Variants in TGFBR3 observed in about 807,000 individuals in gnomAD.
TGFBR3 encodes the protein transforming growth factor beta receptor type 3.
A neutral mutation model predicts 87.9 loss-of-function variants in TGFBR3; 46 were observed. The ratio of observed to expected loss-of-function variants is 0.52; its 90% CI spans 0.41 to 0.67. The LOEUF (loss-of-function observed/expected upper bound fraction) is 0.67. TGFBR3 is among the 30% of genes least tolerant of loss of function. The pLI is 0.00. For missense variants in TGFBR3, 866 were observed against 1,041.9 expected, an observed-to-expected ratio of 0.83 and a Z score of 2.32; for synonymous variants, 381 against 391.6, an observed-to-expected ratio of 0.97 and a Z score of 0.32.
chr1:91,898,583 C>G (rs1188392288), intron 2 of TGFBR3, among the ~76,000 whole-genome samples: 2 of 152,090 alleles, frequency 1.3e-5, no homozygotes, highest in Non-Finnish European at 2.9e-5. Flanking sequence ...ACCACAGGCG[C>G]CCGCCACCAC....
intron 3 of TGFBR3, among the ~76,000 whole-genome samples, chr1:91,787,956 A>AAAAAAAAAAAAAAC (rs906528422): frequency 2.0e-5 from 3 of 150,068 alleles, no homozygotes; most frequent in Admixed American, 1.3e-4. Context: ...AAAAAAAAAA[A>AAAAAAAAAAAAAAC]CCCCAAGAAG....
chr1:91,819,089 G>A (rs943656680), intron 2 of TGFBR3, among the ~76,000 whole-genome samples: 3 of 152,080 alleles, frequency 2.0e-5, no homozygotes, highest in East Asian at 1.9e-4. Context: ...CCTGATCATC[G>A]CCAGGTGTGG....
intron 4 of TGFBR3, among the ~76,000 whole-genome samples, chr1:91,749,648 A>G (rs1052857074): frequency 6.6e-6 from 1 of 152,118 alleles, no homozygotes; most frequent in African/African-American, 2.4e-5. Flanking sequence ...ACCATCCTGG[A>G]GTTGCTTTCT....
chr1:91,890,523 G>A (rs1679422922), upstream of TGFBR3, among the ~76,000 whole-genome samples: 1 of 140,040 alleles, frequency 7.1e-6, no homozygotes, highest in Non-Finnish European at 1.5e-5. Flanking sequence ...GGGTTCAAGT[G>A]ATTCTTCTGC....
In TGFBR3 at chr1:91,782,804, A is replaced by G. The variant is rs573979912; in HGVS notation, c.246+14483T>C. 3.9e-5 allele frequency among the ~76,000 whole-genome samples: 6 copies of G among 152,270 alleles called. No homozygotes were observed. The East Asian group carries it at 1.2e-3, about 29-fold the overall frequency. Reference sequence around the variant, plus strand: ...TATACCTCTCTGCCCCTCTCCCCCAAGGCACCTCGGTATGTGCTCACATCA... The same window carrying G: ...TATACCTCTCTGCCCCTCTCCCCCAGGGCACCTCGGTATGTGCTCACATCA... On this transcript the variant is annotated intron_variant, in intron 3 of 16. Coordinates refer to ENST00000212355, the MANE Select transcript of TGFBR3 (RefSeq NM_003243.5).
At chr1:91,787,678 G>A (rs940419313) in intron 3 of TGFBR3, among the ~76,000 whole-genome samples, 1 of 152,198 alleles carries the variant, frequency 6.6e-6, no homozygotes, top group Non-Finnish European at 1.5e-5. Flanking sequence ...CTATGCCTCA[G>A]TCAAGAACCC....
At chr1:91,756,789 C>T (rs563321463) in intron 4 of TGFBR3, among the ~76,000 whole-genome samples, 16 of 152,238 alleles carry the variant, frequency 1.1e-4, no homozygotes, top group Admixed American at 2.0e-4. Context: ...GTACAAAGGA[C>T]TCTACTATAC....
chr1:91,841,983 C>T (rs960318905), intron 2 of TGFBR3, among the ~76,000 whole-genome samples: 6 of 151,294 alleles, frequency 4.0e-5, no homozygotes, highest in African/African-American at 1.5e-4. Context: ...CACCTGTGGC[C>T]CCAGCTACTT....
chr1:91,878,120 G>A (rs1678927165), intron 1 of TGFBR3, among the ~76,000 whole-genome samples: 1 of 152,088 alleles, frequency 6.6e-6, no homozygotes. Context: ...TATTCTTTAT[G>A]GAGACTCAGA....
At chr1:91,831,226 TA>T (rs879548427) in intron 2 of TGFBR3, among the ~76,000 whole-genome samples, 17 of 146,910 alleles carry the variant, frequency 1.2e-4, no homozygotes, top group Non-Finnish European at 1.7e-4. Context: ...AAAAACAATT[TA>T]AAAAAAAAAA....
chr1:91,808,584 G>A (rs1304631094), intron 2 of TGFBR3, among the ~76,000 whole-genome samples: 1 of 152,062 alleles, frequency 6.6e-6, no homozygotes, highest in Non-Finnish European at 1.5e-5. Context: ...TCCTCCCTCA[G>A]CCTCCCAAGT....
intron 4 of TGFBR3, among the ~76,000 whole-genome samples, chr1:91,743,708 AT>A (rs983325401): frequency 2.0e-5 from 3 of 152,246 alleles, no homozygotes; most frequent in African/African-American, 7.2e-5. Flanking sequence ...AATAAAACAA[AT>A]CTTGATGTCC....
At position 91,767,119 on chromosome 1, in the gene TGFBR3, A is replaced by G. The variant is rs933595142; in HGVS notation, c.247-8369T>C. Among the ~76,000 whole-genome samples, 2 of 133,886 alleles carry G rather than the reference A, an allele frequency of 1.5e-5. 1 individual carries two copies. The highest frequency in any genetic ancestry group is 3.3e-5 in the Non-Finnish European group (2 of 61,040). 87.8% of individuals were successfully genotyped at this position (133,886 alleles called of 152,430 possible). On this transcript the variant is annotated intron_variant, in intron 3 of 16. Coordinates refer to ENST00000212355, the MANE Select transcript of TGFBR3 (RefSeq NM_003243.5). ...ACGCACGTTGGACAATGAACCTATT[A>G]TGGCTGTAAGATCTCAATAAGGATT...
At chr1:91,857,656 T>C (rs1341099566) in intron 2 of TGFBR3, among the ~76,000 whole-genome samples, 1 of 152,220 alleles carries the variant, frequency 6.6e-6, no homozygotes, top group East Asian at 1.9e-4. Context: ...GGGATGAATA[T>C]GGCTGGGCAC....
intron 4 of TGFBR3, among the ~76,000 whole-genome samples, chr1:91,750,091 C>T (rs953109750): frequency 2.9e-4 from 44 of 152,170 alleles, no homozygotes; most frequent in African/African-American, 9.9e-4. Context: ...GAAAGCAAAG[C>T]CTTCACAGGG....
At chr1:91,874,329 C>T (rs1194874463) in intron 1 of TGFBR3, among the ~76,000 whole-genome samples, 2 of 152,138 alleles carry the variant, frequency 1.3e-5, no homozygotes, top group Non-Finnish European at 2.9e-5. Flanking sequence ...GCGTATCTGG[C>T]GTGCTCAGGG....
chr1:91,713,242 G>A (rs1198623719), intron 12 of TGFBR3, among the ~76,000 whole-genome samples: 14 of 152,158 alleles, frequency 9.2e-5, no homozygotes, highest in Admixed American at 7.2e-4. Context: ...ATCTGGAAAC[G>A]TTTCCGACTC....
At chr1:91,742,491 A>G (rs1320383961) in intron 4 of TGFBR3, among the ~76,000 whole-genome samples, 1 of 152,200 alleles carries the variant, frequency 6.6e-6, no homozygotes, top group African/African-American at 2.4e-5. Context: ...GCTTTTGGCC[A>G]AGCTTTAAAG....
intron 13 of TGFBR3, among the ~76,000 whole-genome samples, chr1:91,710,641 A>G (rs1366946399): frequency 1.3e-5 from 2 of 152,222 alleles, no homozygotes; most frequent in Non-Finnish European, 2.9e-5. Context: ...ACAGAAAGAC[A>G]GTGGTAACAG....
Sources: gnomAD v4.1 joint callset for allele counts (sites outside exome capture counted in the v4.1 genomes callset) on GRCh38, gnomAD v4.1.1 for gene constraint, MANE v1.5 for transcripts, NCBI Gene and HGNC (gene_info 2026-07-23, HGNC 2026-07-21) for gene names.